IKZF2: variants seen among roughly 807,000 people sequenced by gnomAD.
IKZF2 encodes the protein zinc finger protein Helios.
Under a neutral mutation model 49.2 loss-of-function variants are expected in IKZF2, and 15 were observed. That is an observed-to-expected ratio of 0.30 (90% CI 0.20 to 0.47). The LOEUF is 0.47. IKZF2 is among the 20% of genes least tolerant of loss of function. The pLI is 1.00. For missense variants in IKZF2, 567 were observed against 664.6 expected, an observed-to-expected ratio of 0.85 and a Z score of 1.61; for synonymous variants, 227 against 221.4, an observed-to-expected ratio of 1.03 and a Z score of -0.23.
intron 6 of IKZF2, among the ~76,000 whole-genome samples, chr2:213,036,299 G>A (rs955320149): frequency 2.0e-5 from 3 of 152,142 alleles, no homozygotes; most frequent in Admixed American, 6.5e-5. Context: ...AAATGACTGC[G>A]TGAGGACATT....
chr2:213,143,384 A>G (rs1335187956), intron 4 of IKZF2, among the ~76,000 whole-genome samples: 1 of 151,964 alleles, frequency 6.6e-6, no homozygotes, highest in Non-Finnish European at 1.5e-5. Flanking sequence ...AAAGATAGGG[A>G]GTTGGGAGCG....
intron 4 of IKZF2, among the ~76,000 whole-genome samples, chr2:213,119,541 C>G (rs1328713449): frequency 2.0e-5 from 3 of 152,126 alleles, no homozygotes; most frequent in Admixed American, 6.5e-5. Flanking sequence ...AAAGGATGTA[C>G]CACTGTTCTG....
chr2:213,033,635 T>C (rs1698708184), intron 6 of IKZF2, among the ~76,000 whole-genome samples: 1 of 149,244 alleles, frequency 6.7e-6, no homozygotes, highest in Non-Finnish European at 1.5e-5. Flanking sequence ...TTGAAAGGAA[T>C]TTTTGTTTCT....
At chr2:213,028,043 AG>A (rs980887381) in intron 6 of IKZF2, among the ~76,000 whole-genome samples, 1 of 152,172 alleles carries the variant, frequency 6.6e-6, no homozygotes, top group African/African-American at 2.4e-5. Flanking sequence ...AGTTGTCAAA[AG>A]TCTATGGCTA....
intron 4 of IKZF2, among the ~76,000 whole-genome samples, chr2:213,141,543 T>C (rs2060873796): frequency 1.3e-5 from 2 of 151,986 alleles, no homozygotes; most frequent in South Asian, 2.1e-4. Context: ...GAATATTGCA[T>C]GCTATTTCTC....
intron 8 of IKZF2, among the ~76,000 whole-genome samples, chr2:213,012,613 C>A (rs1349311964): frequency 6.6e-6 from 1 of 151,892 alleles, no homozygotes; most frequent in Non-Finnish European, 1.5e-5. Context: ...TAAACTATGG[C>A]CCTTATAGTC....
intron 4 of IKZF2, among the ~76,000 whole-genome samples, chr2:213,124,015 G>A (rs1052775487): frequency 2.0e-5 from 3 of 151,822 alleles, no homozygotes; most frequent in Admixed American, 1.3e-4. Context: ...AAGAATTAGA[G>A]CTGATCAGCA....
At chr2:213,011,551 T>C (rs1695957880) in intron 8 of IKZF2, among the ~76,000 whole-genome samples, 1 of 152,004 alleles carries the variant, frequency 6.6e-6, no homozygotes, top group Non-Finnish European at 1.5e-5. Flanking sequence ...ATTGGTAATA[T>C]TATGTTGAAA....
chr2:213,138,951 T>C (rs937170210), intron 4 of IKZF2, among the ~76,000 whole-genome samples: 2 of 152,034 alleles, frequency 1.3e-5, no homozygotes, highest in African/African-American at 4.8e-5. Flanking sequence ...AAAATAGATA[T>C]TAAGAACTCT....
intron 4 of IKZF2, among the ~76,000 whole-genome samples, chr2:213,131,816 G>T (rs2060481512): frequency 6.6e-6 from 1 of 152,010 alleles, no homozygotes; most frequent in Non-Finnish European, 1.5e-5. Context: ...TAACCTGTGG[G>T]GTTAATCTGA....
In IKZF2 at chr2:213,001,350, A is replaced by C. The variant is rs766850403; in HGVS notation, c.*6010T>G. On this transcript the variant is annotated 3_prime_UTR_variant, in exon 9 of 9. Transcript: ENST00000434687. ...TTTTAACACCTTTCTAAACACTTGC[A>C]AATAACTGTCTAGTCTTTCATGATA... is the stretch of plus-strand genomic sequence containing the variant. 6.6e-6 allele frequency: 1 copy of C among 151,976 alleles called. No homozygotes were observed. 9.4% of individuals were successfully genotyped at this position (151,976 alleles called of 1,614,324 possible).
intron 5 of IKZF2, among the ~76,000 whole-genome samples, chr2:213,055,868 T>C (rs921704662): frequency 2.6e-5 from 4 of 152,156 alleles, no homozygotes; most frequent in African/African-American, 7.2e-5. Flanking sequence ...AATAAATTTA[T>C]TGTGATTTAT....
At chr2:213,046,894 G>A (rs971838303) in intron 6 of IKZF2, among the ~76,000 whole-genome samples, 1 of 151,854 alleles carries the variant, frequency 6.6e-6, no homozygotes, top group Non-Finnish European at 1.5e-5. Flanking sequence ...ATGGGAGTAG[G>A]GACACAGAAA....
At chr2:213,062,485 ATTTTAAT>A (rs1276010364) in intron 4 of IKZF2, among the ~76,000 whole-genome samples, 1 of 151,826 alleles carries the variant, frequency 6.6e-6, no homozygotes, top group African/African-American at 2.4e-5. Flanking sequence ...GTATATTTTA[ATTTTAAT>A]TTTTAATTTT....
At chr2:213,119,973 T>C (rs1000663329) in intron 4 of IKZF2, among the ~76,000 whole-genome samples, 3 of 152,260 alleles carry the variant, frequency 2.0e-5, no homozygotes, top group Non-Finnish European at 4.4e-5. Flanking sequence ...CTACATGTTA[T>C]GTGAGCCCAG....
intron 4 of IKZF2, among the ~76,000 whole-genome samples, chr2:213,081,833 T>C (rs1223989419): frequency 6.6e-6 from 1 of 152,094 alleles, no homozygotes; most frequent in Non-Finnish European, 1.5e-5. Context: ...AATGTGACTG[T>C]GTACTAAACT....
intron 4 of IKZF2, among the ~76,000 whole-genome samples, chr2:213,081,413 A>G (rs918136373): frequency 1.5e-4 from 23 of 152,218 alleles, no homozygotes; most frequent in African/African-American, 5.5e-4. Flanking sequence ...TCTTTTAAAC[A>G]TTTATTGAAC....
intron 4 of IKZF2, among the ~76,000 whole-genome samples, chr2:213,074,363 A>G (rs1703029062): frequency 1.3e-5 from 2 of 152,148 alleles, no homozygotes; most frequent in African/African-American, 4.8e-5. Flanking sequence ...TAAGCTACAA[A>G]CCTGCACAGC....
rs985372753 is a variant in IKZF2 at position 213,008,036 on chromosome 2, T to C, written c.905A>G (p.Asn302Ser). Reference sequence around the variant, plus strand: ...CTCAGCCTCCTTCTCATATGTTAAGTTCATATCAAAGTGAATATCTGGGTA... The same window carrying C: ...CTCAGCCTCCTTCTCATATGTTAAGCTCATATCAAAGTGAATATCTGGGTA... ...FSYPDIHFDM[N>S]LTYEKEAELM... Residue 302 changes from asparagine to serine, a missense_variant, in exon 9 of 9, where the codon AAC becomes AGC. Physicochemically the swap from Asn to Ser is conservative, Grantham distance 46. This residue lies in a region of IKZF2 where 310 missense variants were observed against 326.9 expected (regional missense o/e 0.95). Transcript: ENST00000434687. The C allele has an allele frequency of 6.8e-6, 11 of 1,612,754 alleles. No homozygotes were observed. The highest frequency in any genetic ancestry group is 7.6e-6 in the Non-Finnish European group (9 of 1,179,364).
Sources: gnomAD v4.1 joint callset for allele counts (sites outside exome capture counted in the v4.1 genomes callset) on GRCh38, gnomAD v4.1.1 for gene constraint, gnomAD v4.1.1 regional missense constraint, MANE v1.5 for transcripts, NCBI Gene and HGNC (gene_info 2026-07-23, HGNC 2026-07-21) for gene names.